SLC12A7: variants seen among roughly 807,000 people sequenced by gnomAD.
SLC12A7 encodes the protein K-Cl cotransporter 4.
A neutral mutation model predicts 120.6 loss-of-function variants in SLC12A7; 100 were observed. That is an observed-to-expected ratio of 0.83 (90% CI 0.71 to 0.98). The LOEUF (loss-of-function observed/expected upper bound fraction) is 0.98, where lower values mean the gene tolerates loss of function less well. Ranked by LOEUF, SLC12A7 falls within the 50% of genes least tolerant of loss-of-function variation. The probability of loss-of-function intolerance (pLI) is 0.00; values close to 1 mark genes in which losing one functional copy is unlikely to be tolerated. For synonymous variants in SLC12A7, 760 were observed against 678.0 expected (o/e 1.12, Z -1.88); for missense variants, 1,373 against 1,548.1 (o/e 0.89, Z 1.90).
chr5:1,065,514 A>T, intron 17 of SLC12A7, 36 bp from the exon 18 acceptor site: 1 of 1,525,044 alleles, frequency 6.6e-7, no homozygotes, highest in South Asian at 1.3e-5. Flanking sequence ...CTACAGCAGG[A>T]ATGGGGTGCA....
upstream of SLC12A7, among the ~76,000 whole-genome samples, chr5:1,114,606 G>A (rs956781897): frequency 2.6e-5 from 4 of 152,090 alleles, no homozygotes; most frequent in Non-Finnish European, 5.9e-5. Flanking sequence ...TTCTGTACCC[G>A]GCACCTGTTG....
chr5:1,144,924 C>T, the SLC12A7 span, among the ~76,000 whole-genome samples: 2 of 152,246 alleles, frequency 1.3e-5, no homozygotes, highest in African/African-American at 4.8e-5. Context: ...ATGGCTGATT[C>T]GGAACGTCCT....
the SLC12A7 span, among the ~76,000 whole-genome samples, chr5:1,153,449 G>T: frequency 6.6e-6 from 1 of 152,354 alleles, no homozygotes; most frequent in South Asian, 2.1e-4. Context: ...CCTCTGGGGG[G>T]GTCCATGGGC....
At chr5:1,111,819 CGCGCTCGGG>C in intron 1 of SLC12A7, 40 bp downstream of exon 1, 2 of 1,194,228 alleles carry the variant, frequency 1.7e-6, no homozygotes, top group Admixed American at 4.5e-5. Flanking sequence ...GGCCCAGACC[CGCGCTCGGG>C]GCGCTCGGCC....
At chr5:1,061,309 C>T (rs1474699281) in intron 20 of SLC12A7, among the ~76,000 whole-genome samples, 2 of 12,816 alleles carry the variant, frequency 1.6e-4, no homozygotes, top group African/African-American at 1.7e-4. Flanking sequence ...GAGTCTCACC[C>T]GCCGCACCCG....
the SLC12A7 span, among the ~76,000 whole-genome samples, chr5:1,134,664 C>T: frequency 6.6e-6 from 1 of 152,102 alleles, no homozygotes; most frequent in African/African-American, 2.4e-5. Context: ...AATTTCACTT[C>T]TGCACGTGCT....
At chr5:1,088,506 A>G in intron 4 of SLC12A7, 146 bp from the exon 5 acceptor site, 1 of 868,242 alleles carries the variant, frequency 1.2e-6, no homozygotes, top group Non-Finnish European at 1.8e-6. Flanking sequence ...AGTGGCTAGG[A>G]AACAGGACCT....
the SLC12A7 span, among the ~76,000 whole-genome samples, chr5:1,120,286 G>A: frequency 2.0e-5 from 3 of 152,178 alleles, no homozygotes; most frequent in Admixed American, 6.5e-5. Flanking sequence ...GCAGCTGGGT[G>A]GGCACCTGCC....
At chr5:1,074,210 C>T (rs1310549172) in intron 16 of SLC12A7, among the ~76,000 whole-genome samples, 4 of 151,736 alleles carry the variant, frequency 2.6e-5, no homozygotes, top group African/African-American at 4.9e-5. Context: ...AGGCCCCCGC[C>T]GAGGCCCCTG....
intron 20 of SLC12A7, among the ~76,000 whole-genome samples, chr5:1,062,692 G>GGGGACTGA (rs1242201887): frequency 0.012 from 145 of 11,704 alleles, no homozygotes; most frequent in African/African-American, 0.014. Context: ...TGGGGGGCTG[G>GGGGACTGA]GGGACTGAGG....
chr5:1,125,350 CAAGT>C, the SLC12A7 span, among the ~76,000 whole-genome samples: 1 of 151,908 alleles, frequency 6.6e-6, no homozygotes, highest in African/African-American at 2.4e-5. Flanking sequence ...TGGGTAAAAG[CAAGT>C]AAAGTCAAAC....
At chr5:1,076,092 T>C in intron 14 of SLC12A7, 46 bp downstream of exon 14, 1 of 1,507,284 alleles carries the variant, frequency 6.6e-7, no homozygotes, top group East Asian at 2.4e-5. Flanking sequence ...AGGCACCCAG[T>C]GTCCCAGCCT....
At chr5:1,083,263 G>A (rs1739417992) in intron 8 of SLC12A7, among the ~76,000 whole-genome samples, 1 of 152,054 alleles carries the variant, frequency 6.6e-6, no homozygotes, top group Non-Finnish European at 1.5e-5. Context: ...GTTCTGGAAA[G>A]CCTGGGCTTC....
the SLC12A7 span, among the ~76,000 whole-genome samples, chr5:1,140,741 G>T: frequency 6.6e-6 from 1 of 152,280 alleles, no homozygotes; most frequent in Non-Finnish European, 1.5e-5. Flanking sequence ...GGCTCAGGTG[G>T]CTGGCGGAGG....
chr5:1,053,653 G>A (rs1168661482), intron 22 of SLC12A7, among the ~76,000 whole-genome samples, 171 bp from the exon 23 acceptor site: 5 of 152,250 alleles, frequency 3.3e-5, no homozygotes, highest in Non-Finnish European at 5.9e-5. Flanking sequence ...GGCTCCGAGC[G>A]AAAGGCGCTG....
At chr5:1,061,777 C>T (rs534157475) in intron 20 of SLC12A7, among the ~76,000 whole-genome samples, 3 of 147,110 alleles carry the variant, frequency 2.0e-5, no homozygotes, top group African/African-American at 7.5e-5. Flanking sequence ...TGGTGAAACC[C>T]CATTGCTACT....
intron 5 of SLC12A7, among the ~76,000 whole-genome samples, chr5:1,087,571 A>G (rs1400189302): frequency 1.3e-5 from 2 of 152,162 alleles, no homozygotes; most frequent in Non-Finnish European, 2.9e-5. Flanking sequence ...TGAAGCAGAG[A>G]CTGGTCCCTT....
At chr5:1,077,185 C>T (rs1314503298) in intron 12 of SLC12A7, among the ~76,000 whole-genome samples, 4 of 152,316 alleles carry the variant, frequency 2.6e-5, no homozygotes, top group Admixed American at 1.3e-4. Flanking sequence ...CTGAGGCCCA[C>T]GGGGCCTGTG....
At chr5:1,116,333 G>A (rs927396849), upstream of SLC12A7, among the ~76,000 whole-genome samples, 13 of 152,314 alleles carry the variant, frequency 8.5e-5, no homozygotes, top group Middle Eastern at 3.4e-3. Flanking sequence ...TGGTGGGCCT[G>A]GCCTGGCGCT....
Sources: allele counts gnomAD v4.1 joint callset (sites outside exome capture counted in the v4.1 genomes callset), GRCh38; gene constraint gnomAD v4.1.1; transcripts MANE v1.5; gene names NCBI Gene and HGNC (gene_info 2026-07-23, HGNC 2026-07-21).